Variants in BPTF observed in about 807,000 individuals in gnomAD.
BPTF encodes the protein bromodomain PHD finger transcription factor.
A neutral mutation model predicts 292.5 loss-of-function variants in BPTF; 18 were observed. The ratio of observed to expected loss-of-function variants is 0.06; its 90% CI spans 0.04 to 0.09. The LOEUF (loss-of-function observed/expected upper bound fraction) is 0.09. Ranked by LOEUF, BPTF falls within the 10% of genes least tolerant of loss-of-function variation. BPTF has a pLI of 1.00. For missense variants in BPTF, 2,726 were observed against 3,498.7 expected (o/e 0.78, Z 5.57); for synonymous variants, 1,225 against 1,251.9 (o/e 0.98, Z 0.45).
At chr17:67,929,936 C>G (rs2064223978) in intron 17 of BPTF, among the ~76,000 whole-genome samples, 1 of 151,054 alleles carries the variant, frequency 6.6e-6, no homozygotes, top group African/African-American at 2.5e-5. Context: ...GGCAACATGG[C>G]AAAACCCCAT....
intron 23 of BPTF, among the ~76,000 whole-genome samples, chr17:67,957,555 A>T (rs1246625726): frequency 3.3e-5 from 5 of 152,192 alleles, no homozygotes; most frequent in African/African-American, 4.8e-5. Flanking sequence ...TTTTAAAAAA[A>T]TTTTTAAGTC....
intron 23 of BPTF, among the ~76,000 whole-genome samples, chr17:67,958,036 GGAA>G (rs2067118348): frequency 6.6e-6 from 1 of 152,154 alleles, no homozygotes; most frequent in South Asian, 2.1e-4. Flanking sequence ...TGCATATTGA[GGAA>G]GTAGTATGTT....
rs531287651 is a variant in BPTF at position 67,922,190 on chromosome 17, C to A, written c.5558-650C>A. Among the ~76,000 whole-genome samples, 4 of 152,316 alleles carry A rather than the reference C, an allele frequency of 2.6e-5. No individual in the cohort carries two copies. In the East Asian group the frequency reaches 7.7e-4, roughly 29 times the overall value. On this transcript the variant is annotated intron_variant, in intron 13 of 27. Transcript: ENST00000306378. The stretch of plus-strand genomic sequence containing the variant: ...GTCCCCTAAAATCACTTCTCTTTGG[C>A]TTGTATCCCTTTGTACAATTCAGGT...
At chr17:67,917,144 T>C (rs899405894) in intron 11 of BPTF, among the ~76,000 whole-genome samples, 16 of 146,542 alleles carry the variant, frequency 1.1e-4, no homozygotes, top group African/African-American at 4.1e-4. Flanking sequence ...TTTTTTTTTT[T>C]TTTTTTGAGA....
At chr17:67,915,297 A>G (rs899678098) in intron 11 of BPTF, among the ~76,000 whole-genome samples, 8 of 152,146 alleles carry the variant, frequency 5.3e-5, no homozygotes, top group Admixed American at 3.3e-4. Context: ...GCTGCCAGAA[A>G]GATTCTCCTA....
At chr17:67,867,995 A>G (rs2059487138) in intron 3 of BPTF, among the ~76,000 whole-genome samples, 1 of 152,030 alleles carries the variant, frequency 6.6e-6, no homozygotes, top group South Asian at 2.1e-4. Flanking sequence ...TACATAAATT[A>G]TTTGGAATTT....
At chr17:67,909,811 T>C (rs2062529479) in intron 10 of BPTF, 50 bp downstream of exon 10, 6 of 1,403,966 alleles carry the variant, frequency 4.3e-6, no homozygotes, top group South Asian at 1.9e-5. Context: ...AAGAATGCAC[T>C]GGATCAGGGT....
At chr17:67,979,250 G>A (rs1488659343) in intron 27 of BPTF, among the ~76,000 whole-genome samples, 4 of 149,716 alleles carry the variant, frequency 2.7e-5, no homozygotes, top group Admixed American at 1.3e-4. Flanking sequence ...TCGTAGTAAC[G>A]TAAATAATGA....
chr17:67,832,553 A>G (rs968158403), intron 1 of BPTF, among the ~76,000 whole-genome samples: 4 of 152,188 alleles, frequency 2.6e-5, no homozygotes, highest in Non-Finnish European at 5.9e-5. Context: ...TAACAGCTGT[A>G]TGGAGATATA....
chr17:67,846,228 A>C (rs1194477929), intron 1 of BPTF, among the ~76,000 whole-genome samples: 1 of 152,194 alleles, frequency 6.6e-6, no homozygotes, highest in Non-Finnish European at 1.5e-5. Context: ...GGTGGCTCAC[A>C]CCTGTAATTC....
chr17:67,848,042 G>A (rs1308333415), intron 1 of BPTF, among the ~76,000 whole-genome samples: 1 of 152,096 alleles, frequency 6.6e-6, no homozygotes, highest in African/African-American at 2.4e-5. Flanking sequence ...TACCAATACC[G>A]AGTGAGGCCA....
At chr17:67,853,159 C>T (rs2086744) in intron 1 of BPTF, among the ~76,000 whole-genome samples, 1 of 152,046 alleles carries the variant, frequency 6.6e-6, no homozygotes. Context: ...TTGTTAAAAA[C>T]AAAACTCTCA....
intron 1 of BPTF, among the ~76,000 whole-genome samples, chr17:67,849,605 A>G (rs149421686): frequency 6.6e-6 from 1 of 152,184 alleles, no homozygotes; most frequent in Non-Finnish European, 1.5e-5. Context: ...TTCTCAGAGT[A>G]TGGTTCGCCA....
intron 1 of BPTF, among the ~76,000 whole-genome samples, chr17:67,837,288 T>C (rs1567866053): frequency 6.6e-6 from 1 of 152,250 alleles, no homozygotes; most frequent in Non-Finnish European, 1.5e-5. Context: ...GGTGTTTCTG[T>C]AGGGTAGATT....
At chr17:67,981,472 C>T in intron 27 of BPTF, 1 of 1,240,964 alleles carries the variant, frequency 8.1e-7, no homozygotes, top group Non-Finnish European at 1.0e-6. Context: ...TAACTGGAAT[C>T]AGAACTGGAT....
intron 3 of BPTF, among the ~76,000 whole-genome samples, chr17:67,871,977 C>T (rs537566493): frequency 2.0e-5 from 3 of 152,232 alleles, no homozygotes; most frequent in Non-Finnish European, 2.9e-5. Context: ...AGGCGTGTGC[C>T]ACCACACCTG....
intron 12 of BPTF, among the ~76,000 whole-genome samples, chr17:67,919,746 CTTTT>C (rs754389929): frequency 6.6e-5 from 10 of 152,126 alleles, no homozygotes; most frequent in Non-Finnish European, 1.5e-4. Context: ...CTGTCCTAGG[CTTTT>C]TATTATTTTG....
chr17:67,895,453 A>G (rs1598479967), intron 7 of BPTF, among the ~76,000 whole-genome samples: 1 of 145,130 alleles, frequency 6.9e-6, no homozygotes, highest in African/African-American at 2.5e-5. Flanking sequence ...TGGTGTTTCC[A>G]CCACATACAT....
rs117840547 is a variant in BPTF, at chr17:67,866,873, C to T, written c.1660+186C>T. ...ATCATTGTATGAACATCATAGAGTA[C>T]ACTTACACAAACCATACACCTAGGT... On this transcript the variant is annotated intron_variant, in intron 3 of 27. Coordinates refer to ENST00000306378, the MANE Select transcript of BPTF (RefSeq NM_182641.4). Among the ~76,000 whole-genome samples, 515 of 152,296 alleles carry T rather than the reference C, an allele frequency of 3.4e-3. 3 individuals carry two copies. Among genetic ancestry groups the T allele is most frequent in the Admixed American group, 7.8e-3 (120 of 15,306 alleles).
Sources: gnomAD v4.1 joint callset for allele counts (sites outside exome capture counted in the v4.1 genomes callset) on GRCh38, gnomAD v4.1.1 for gene constraint, MANE v1.5 for transcripts, NCBI Gene and HGNC (gene_info 2026-07-23, HGNC 2026-07-21) for gene names.